MECOM: variants seen among roughly 807,000 people sequenced by gnomAD.
MECOM encodes MDS1 and EVI1 complex locus, also known as histone-lysine N-methyltransferase MECOM.
In MECOM, 13 loss-of-function variants were observed where a neutral mutation model predicts 116.3. That is an observed-to-expected ratio of 0.11 (90% confidence interval 0.07 to 0.18). The LOEUF is 0.18. MECOM is among the 10% of genes least tolerant of loss of function. The probability of loss-of-function intolerance (pLI) is 1.00; values close to 1 mark genes in which losing one functional copy is unlikely to be tolerated. For missense variants in MECOM, 1,299 were observed against 1,509.0 expected (o/e 0.86, Z 2.31); for synonymous variants, 528 against 535.2 (o/e 0.99, Z 0.19).
chr3:169,407,964 G>A (rs1736959178), intron 1 of MECOM, among the ~76,000 whole-genome samples: 1 of 151,968 alleles, frequency 6.6e-6, no homozygotes, highest in Non-Finnish European at 1.5e-5. Flanking sequence ...TCATGTTTGG[G>A]AAAATTCCAA....
At chr3:169,241,121 T>A (rs1754743890) in intron 2 of MECOM, among the ~76,000 whole-genome samples, 1 of 152,164 alleles carries the variant, frequency 6.6e-6, no homozygotes, top group Non-Finnish European at 1.5e-5. Flanking sequence ...TACCCTATTA[T>A]TAAGCAACAA....
intron 1 of MECOM, among the ~76,000 whole-genome samples, chr3:169,632,671 C>G (rs1772237623): frequency 2.0e-5 from 3 of 152,156 alleles, no homozygotes; most frequent in Non-Finnish European, 2.9e-5. Flanking sequence ...CTCTCACGTG[C>G]AAACACCAGA....
chr3:169,584,554 A>G (rs537246033), intron 1 of MECOM, among the ~76,000 whole-genome samples: 53 of 132,690 alleles, frequency 4.0e-4, no homozygotes, highest in Non-Finnish European at 6.8e-4. Context: ...GAAAGAGCGA[A>G]ACTCCACCTC....
At chr3:169,543,249 T>A (rs1760317305) in intron 1 of MECOM, among the ~76,000 whole-genome samples, 3 of 152,208 alleles carry the variant, frequency 2.0e-5, no homozygotes, top group South Asian at 4.1e-4. Context: ...TATTTATTAT[T>A]TGATGTAGGA....
intron 1 of MECOM, among the ~76,000 whole-genome samples, chr3:169,455,115 A>G: frequency 6.6e-6 from 1 of 152,086 alleles, no homozygotes; most frequent in Non-Finnish European, 1.5e-5. Flanking sequence ...AAGGATGGGG[A>G]AAAAAAGAAT....
chr3:169,090,141 A>G lies in MECOM; in HGVS notation c.3260T>C (p.Leu1087Ser), dbSNP rs1474838512. The part of the protein sequence containing the change: ...DDEEVEDEVL[L>S]DEEDEDNDIT... ...ATCATTGTCTTCATCCTCCTCATCT[A>G]ACAACACCTCATCTTCAACTTCTTC... is the stretch of plus-strand genomic sequence containing the variant. Residue 1087 changes from leucine (L) to serine (S), a missense_variant, in exon 15 of 17, where the codon TTA becomes TCA. By Grantham distance (145) the Leu-to-Ser change is moderately radical. Coordinates refer to ENST00000651503, the MANE Select transcript of MECOM (RefSeq NM_004991.4). The G allele has an allele frequency of 2.5e-6, 4 of 1,613,360 alleles. No homozygotes were observed. The highest frequency in any genetic ancestry group is 3.4e-6 in the Non-Finnish European group (4 of 1,179,524).
chr3:169,151,674 C>T (rs924976539), intron 2 of MECOM, among the ~76,000 whole-genome samples: 1 of 152,086 alleles, frequency 6.6e-6, no homozygotes, highest in African/African-American at 2.4e-5. Context: ...ATTAAATTAG[C>T]TTCGTGTATA....
At chr3:169,601,533 G>A (rs562716035) in intron 1 of MECOM, among the ~76,000 whole-genome samples, 16 of 152,252 alleles carry the variant, frequency 1.1e-4, no homozygotes, top group African/African-American at 2.2e-4. Flanking sequence ...GTCCTGCGCC[G>A]CAGTAGAAAA....
chr3:169,401,449 T>C (rs1221609287), intron 1 of MECOM, among the ~76,000 whole-genome samples: 1 of 152,206 alleles, frequency 6.6e-6, no homozygotes, highest in Admixed American at 6.5e-5. Context: ...AGACACTGAA[T>C]GTGGACTTTG....
intron 2 of MECOM, among the ~76,000 whole-genome samples, chr3:169,266,732 T>C (rs1273928082): frequency 6.6e-6 from 1 of 152,186 alleles, no homozygotes; most frequent in East Asian, 1.9e-4. Flanking sequence ...CAAATATTAT[T>C]ATGCTTCCAA....
At chr3:169,661,407 T>G (rs895932691) in intron 1 of MECOM, among the ~76,000 whole-genome samples, 1 of 150,684 alleles carries the variant, frequency 6.6e-6, no homozygotes, top group African/African-American at 2.4e-5. Flanking sequence ...CAGATGAAAA[T>G]AAAGACATCG....
intron 1 of MECOM, among the ~76,000 whole-genome samples, chr3:169,590,534 C>T (rs955948508): frequency 3.3e-5 from 5 of 152,070 alleles, no homozygotes; most frequent in African/African-American, 9.7e-5. Context: ...ATCCTTTTCT[C>T]GAAAATTCAG....
At chr3:169,469,312 G>C (rs898595920) in intron 1 of MECOM, among the ~76,000 whole-genome samples, 2 of 152,148 alleles carry the variant, frequency 1.3e-5, no homozygotes, top group Non-Finnish European at 2.9e-5. Flanking sequence ...TCACCAATCA[G>C]GTGTCCTGTC....
chr3:169,303,355 A>C (rs1040418177), intron 2 of MECOM, among the ~76,000 whole-genome samples: 6 of 151,798 alleles, frequency 4.0e-5, no homozygotes, highest in Non-Finnish European at 5.9e-5. Flanking sequence ...ATATATATAT[A>C]TCACACTACT....
At chr3:169,095,033 A>T (rs1721039361) in intron 13 of MECOM, 43 bp downstream of exon 13, 1 of 1,453,688 alleles carries the variant, frequency 6.9e-7, no homozygotes, top group Non-Finnish European at 9.1e-7. Context: ...TTAAAACACG[A>T]AAAAGAAGTC....
At chr3:169,297,666 C>T (rs1419548226) in intron 2 of MECOM, among the ~76,000 whole-genome samples, 1 of 151,864 alleles carries the variant, frequency 6.6e-6, no homozygotes, top group African/African-American at 2.4e-5. Context: ...ATCATTTTTT[C>T]TATCTCAATG....
chr3:169,367,443 A>G (rs1275941769), intron 2 of MECOM, among the ~76,000 whole-genome samples: 6 of 151,764 alleles, frequency 4.0e-5, no homozygotes, highest in Non-Finnish European at 7.4e-5. Flanking sequence ...ACCCAGATTT[A>G]TATGCTTACC....
intron 1 of MECOM, among the ~76,000 whole-genome samples, chr3:169,657,311 A>G (rs539633280): frequency 3.9e-5 from 6 of 152,272 alleles, no homozygotes; most frequent in Non-Finnish European, 5.9e-5. Context: ...GGTAACCCCT[A>G]CACAGCCACA....
At chr3:169,292,652 A>G (rs1714801681) in intron 2 of MECOM, among the ~76,000 whole-genome samples, 1 of 152,156 alleles carries the variant, frequency 6.6e-6, no homozygotes, top group East Asian at 1.9e-4. Flanking sequence ...TTTGAGAACC[A>G]TAAGGGTGAA....
Sources: allele counts gnomAD v4.1 joint callset (sites outside exome capture counted in the v4.1 genomes callset), GRCh38; gene constraint gnomAD v4.1.1; transcripts MANE v1.5; gene names NCBI Gene and HGNC (gene_info 2026-07-23, HGNC 2026-07-21).